The following CSMD3 variants were observed in gnomAD, a reference collection of about 807,000 sequenced individuals.
The protein encoded by CSMD3 is CUB and sushi domain-containing protein 3.
Under a neutral mutation model 435.2 loss-of-function variants are expected in CSMD3, and 177 were observed. That is an observed-to-expected ratio of 0.41 (90% CI 0.36 to 0.46). CSMD3 has a LOEUF of 0.46. Among genes scored for constraint, CSMD3 ranks in the 20% least tolerant of loss-of-function variants. The pLI is 0.34. For synonymous variants in CSMD3, 1,656 were observed against 1,520.5 expected (o/e 1.09, Z -2.07); for missense variants, 4,265 against 4,504.6 (o/e 0.95, Z 1.52).
At chr8:113,006,659 C>T (rs1418058199) in intron 6 of CSMD3, among the ~76,000 whole-genome samples, 3 of 151,728 alleles carry the variant, frequency 2.0e-5, no homozygotes, top group Non-Finnish European at 2.9e-5. Flanking sequence ...TTGTGCTTCT[C>T]GGGGCAATAA....
At chr8:113,335,002 G>T (rs2094060665) in intron 1 of CSMD3, among the ~76,000 whole-genome samples, 1 of 152,042 alleles carries the variant, frequency 6.6e-6, no homozygotes, top group Non-Finnish European at 1.5e-5. Context: ...GGGGCCTGAT[G>T]GGAGGTGATT....
chr8:112,724,867 A>C (rs1221657211), intron 13 of CSMD3, among the ~76,000 whole-genome samples: 3 of 152,228 alleles, frequency 2.0e-5, no homozygotes, highest in Non-Finnish European at 4.4e-5. Context: ...AAAAGTAATG[A>C]GGAAAACTGA....
chr8:112,410,687 T>C (rs1383572989), intron 32 of CSMD3, among the ~76,000 whole-genome samples: 2 of 135,516 alleles, frequency 1.5e-5, no homozygotes, highest in African/African-American at 5.4e-5. Context: ...TATATATATA[T>C]GTATATATAT....
chr8:112,788,725 A>C (rs2078615842), intron 13 of CSMD3, among the ~76,000 whole-genome samples: 1 of 152,138 alleles, frequency 6.6e-6, no homozygotes, highest in Non-Finnish European at 1.5e-5. Context: ...ATAACTTTTA[A>C]TATTCTACTA....
chr8:113,427,066 A>T (rs754500634), intron 1 of CSMD3, among the ~76,000 whole-genome samples: 1 of 151,484 alleles, frequency 6.6e-6, no homozygotes, highest in Non-Finnish European at 1.5e-5. Context: ...GGTTAAAATA[A>T]AATTTCTGAA....
intron 62 of CSMD3, 67 bp downstream of exon 62, chr8:112,255,187 A>C: frequency 1.5e-6 from 2 of 1,339,354 alleles, no homozygotes; most frequent in Non-Finnish European, 2.1e-6. Context: ...GGATAAAGAA[A>C]ACCATTAAAT....
chr8:113,431,418 T>G (rs2094672349), intron 1 of CSMD3, among the ~76,000 whole-genome samples: 1 of 152,260 alleles, frequency 6.6e-6, no homozygotes, highest in African/African-American at 2.4e-5. Context: ...TTACAACCAT[T>G]TTATTTCTAA....
chr8:113,430,476 C>T (rs1444624311), intron 1 of CSMD3, among the ~76,000 whole-genome samples: 1 of 152,176 alleles, frequency 6.6e-6, no homozygotes, highest in South Asian at 2.1e-4. Context: ...GGCTCCAGAG[C>T]CCTTGCTCTT....
At chr8:112,684,454 C>G (rs2075968874) in intron 15 of CSMD3, among the ~76,000 whole-genome samples, 1 of 152,000 alleles carries the variant, frequency 6.6e-6, no homozygotes, top group South Asian at 2.1e-4. Flanking sequence ...ACAGGAAGAG[C>G]TGGAAACTAA....
intron 1 of CSMD3, 99 bp from the exon 2 acceptor site, chr8:113,314,892 A>T: frequency 1.3e-6 from 1 of 780,296 alleles, no homozygotes. Context: ...TCCAAGACCA[A>T]AGTTAACAAT....
chr8:112,648,641 C>G (rs1174658864), intron 19 of CSMD3, among the ~76,000 whole-genome samples: 9 of 152,094 alleles, frequency 5.9e-5, no homozygotes, highest in African/African-American at 2.2e-4. Flanking sequence ...TGATGAGGGC[C>G]TGTGCTGCTC....
At chr8:113,080,634 A>G (rs370405508) in intron 5 of CSMD3, among the ~76,000 whole-genome samples, 4 of 152,308 alleles carry the variant, frequency 2.6e-5, no homozygotes, top group African/African-American at 9.6e-5. Flanking sequence ...ATTTTCTACT[A>G]CTATGAATAT....
chr8:113,052,347 T>A (rs1463464506), intron 5 of CSMD3, among the ~76,000 whole-genome samples: 1 of 152,204 alleles, frequency 6.6e-6, no homozygotes, highest in Non-Finnish European at 1.5e-5. Context: ...AAAACTTACA[T>A]CTTCTATGGG....
chr8:112,841,222 T>C (rs2080170741), intron 11 of CSMD3, among the ~76,000 whole-genome samples: 1 of 151,650 alleles, frequency 6.6e-6, no homozygotes, highest in Non-Finnish European at 1.5e-5. Flanking sequence ...TATGATCTAA[T>C]CTTTCTTTAG....
At chr8:112,392,868 T>C (rs558271789) in intron 35 of CSMD3, among the ~76,000 whole-genome samples, 36 of 140,576 alleles carry the variant, frequency 2.6e-4, no homozygotes, top group East Asian at 9.8e-4. Context: ...TTTTTTCTTT[T>C]TTTTTTTTTT....
chr8:113,013,117 G>C (rs532602931), intron 6 of CSMD3, among the ~76,000 whole-genome samples: 1 of 151,842 alleles, frequency 6.6e-6, no homozygotes, highest in East Asian at 1.9e-4. Flanking sequence ...TTTTAAGCCT[G>C]GACTATATTT....
chr8:112,493,792 T>G lies in CSMD3; in HGVS notation c.5084-1109A>C, dbSNP rs148690626. On this transcript the variant is annotated intron_variant, in intron 30 of 70. Coordinates refer to ENST00000297405, the MANE Select transcript of CSMD3 (RefSeq NM_198123.2). ...TAGAACACTTTGTTGTTAACAGATC[T>G]GGATGAGGCCTTGAGATTATTTCCA... Among the ~76,000 whole-genome samples the G allele has an allele frequency of 1.0e-3, 157 of 152,268 alleles. 3 individuals are homozygous for G. The East Asian group carries it at 0.021, about 21-fold the overall frequency.
At chr8:112,879,836 C>T (rs2081397608) in intron 10 of CSMD3, among the ~76,000 whole-genome samples, 1 of 151,942 alleles carries the variant, frequency 6.6e-6, no homozygotes, top group Admixed American at 6.6e-5. Context: ...AACCAAACAC[C>T]ATACGTTCTC....
chr8:112,237,283 G>T lies in CSMD3; in HGVS notation c.10534C>A (p.Gln3512Lys), dbSNP rs775301573. Residue 3512 changes from glutamine (Q) to lysine (K), a missense_variant, in exon 67 of 71, where the codon CAA becomes AAA. Gln to Lys is a moderately conservative substitution (Grantham distance 53). Around this residue, in one of 3 missense-constraint regions of CSMD3, gnomAD observed 3,255 missense variants for 3,380.2 expected, o/e 0.96. Coordinates refer to ENST00000297405, the MANE Select transcript of CSMD3 (RefSeq NM_198123.2). The stretch of plus-strand genomic sequence containing the variant: ...CTAGTAACTGTTAAGGTCATGGGTT[G>T]TTTCCTTCCTTTGAAATTGTAAGAG... ...KGSYNFKGRK[Q>K]PMTLTVTSFN... is the part of the protein sequence containing the mutation. 2.5e-6 allele frequency: 4 copies of T among 1,613,330 alleles called. No individual in the cohort carries two copies. Among genetic ancestry groups the T allele is most frequent in the Non-Finnish European group, 3.4e-6 (4 of 1,179,436 alleles).
Sources: allele counts gnomAD v4.1 joint callset (sites outside exome capture counted in the v4.1 genomes callset), GRCh38; gene constraint gnomAD v4.1.1; regional missense constraint gnomAD v4.1.1; transcripts MANE v1.5; gene names NCBI Gene and HGNC (gene_info 2026-07-23, HGNC 2026-07-21).